The following SCRN3 variants were observed in gnomAD, a reference collection of about 807,000 sequenced individuals.
SCRN3 encodes secernin-3.
In SCRN3, 39 loss-of-function variants were observed where a neutral mutation model predicts 43.1. The observed-to-expected ratio is 0.91, with a 90% CI of 0.70 to 1.18. SCRN3 has a LOEUF of 1.18. SCRN3 is among the 50% of genes most tolerant of loss of function. SCRN3 has a pLI of 0.00. For missense variants in SCRN3, 484 were observed against 498.0 expected (o/e 0.97, Z 0.27); for synonymous variants, 147 against 163.1 (o/e 0.90, Z 0.75).
Position 174,414,142 on chromosome 2 carries a change from A to G in SCRN3, c.755-8743A>G, listed in dbSNP as rs142501754. On this transcript the variant is annotated intron_variant, in intron 5 of 7. Coordinates refer to ENST00000272732, the MANE Select transcript of SCRN3 (RefSeq NM_024583.5). ...AGTTGTTTTTCTGTATTTTGTCCCA[A>G]GTTGATAGTTATCTGCGGGAGGATT... Among the ~76,000 whole-genome samples the G allele has an allele frequency of 8.5e-5, 13 of 152,282 alleles. No homozygotes were observed. In the East Asian group the frequency reaches 1.3e-3, roughly 16 times the overall value.
At chr2:174,416,254 G>A (rs1686101718) in intron 5 of SCRN3, among the ~76,000 whole-genome samples, 1 of 152,146 alleles carries the variant, frequency 6.6e-6, no homozygotes, top group Non-Finnish European at 1.5e-5. Context: ...AGAAATAGCA[G>A]TGGTGGCATG....
At chr2:174,423,356 A>C (rs958847859) in intron 6 of SCRN3, among the ~76,000 whole-genome samples, 3 of 152,254 alleles carry the variant, frequency 2.0e-5, no homozygotes, top group Non-Finnish European at 4.4e-5. Flanking sequence ...GATATTAGAT[A>C]ATTCATAACA....
At chr2:174,421,961 A>G (rs568950483) in intron 5 of SCRN3, among the ~76,000 whole-genome samples, 17 of 152,304 alleles carry the variant, frequency 1.1e-4, no homozygotes, top group African/African-American at 4.1e-4. Context: ...TTTTAAGTGT[A>G]TAAATAATAA....
intron 5 of SCRN3, among the ~76,000 whole-genome samples, chr2:174,411,379 T>C (rs1336638628): frequency 2.6e-5 from 4 of 152,328 alleles, no homozygotes; most frequent in Non-Finnish European, 4.4e-5. Flanking sequence ...ATTTGTTACA[T>C]GGGGGTTCAG....
intron 5 of SCRN3, 119 bp downstream of exon 5, chr2:174,404,434 A>C: frequency 1.5e-6 from 1 of 655,072 alleles, no homozygotes. Flanking sequence ...TTCTATTAAA[A>C]TGAAAAATAT....
chr2:174,422,833 A>G, intron 5 of SCRN3, 52 bp from the exon 6 acceptor site: 1 of 1,153,220 alleles, frequency 8.7e-7, no homozygotes, highest in South Asian at 1.5e-5. Flanking sequence ...CATATTTGCA[A>G]GGCATCCGTA....
intron 5 of SCRN3, among the ~76,000 whole-genome samples, chr2:174,416,989 A>G (rs899299183): frequency 6.6e-6 from 1 of 152,224 alleles, no homozygotes; most frequent in Non-Finnish European, 1.5e-5. Context: ...CCAAAAGAAC[A>G]TGTTATAATT....
rs1056323873 is a variant in SCRN3 at position 174,401,000 on chromosome 2, G to A, written c.352G>A (p.Glu118Lys). 9.9e-6 allele frequency: 16 copies of A among 1,609,832 alleles called. No homozygotes were observed. The highest frequency in any genetic ancestry group is 1.1e-5 in the Non-Finnish European group (13 of 1,177,626). ...LGMDLVRLGL[E>K]RADTAEKALN... Reference sequence around the variant, plus strand: ...ATATTTTTGTTTTAGACTTGGCCTTGAAAGAGCTGATACAGCTGAAAAAGC... The same window carrying A: ...ATATTTTTGTTTTAGACTTGGCCTTAAAAGAGCTGATACAGCTGAAAAAGC... Residue 118 changes from glutamate to lysine, a missense_variant, in exon 4 of 8, where the codon GAA becomes AAA. Glu to Lys is a moderately conservative substitution (Grantham distance 56, BLOSUM62 1). Coordinates refer to ENST00000272732, the MANE Select transcript of SCRN3 (RefSeq NM_024583.5).
At position 174,419,543 on chromosome 2, in the gene SCRN3, C is replaced by A. The variant is rs115318008; in HGVS notation, c.755-3342C>A. Among the ~76,000 whole-genome samples, 1,478 of 152,086 alleles carry A rather than the reference C, an allele frequency of 9.7e-3. 32 individuals carry two copies. Among genetic ancestry groups the A allele is most frequent in the African/African-American group, 0.034 (1,403 of 41,464 alleles). The stretch of plus-strand genomic sequence containing the variant: ...TACAGGCATGCATTACCACACCTGG[C>A]TAAATTTTTTTTTTTGGTAATAGAC... On this transcript the variant is annotated intron_variant, in intron 5 of 7. Transcript: ENST00000272732.
rs1686570223 is a variant in SCRN3, at chr2:174,428,666, A to G, written c.*771A>G. ...TTACTTCTGTTCACTCAGTGAAAAC[A>G]GAAACAAGAATGAGGTAGTGGCAAT... On this transcript the variant is annotated 3_prime_UTR_variant, in exon 8 of 8. Coordinates refer to ENST00000272732, the MANE Select transcript of SCRN3 (RefSeq NM_024583.5). 1 of 152,246 alleles carries G rather than the reference A, an allele frequency of 6.6e-6. No homozygotes were observed. Among genetic ancestry groups the G allele is most frequent in the African/African-American group, 2.4e-5 (1 of 41,474 alleles). 9.4% of individuals were successfully genotyped at this position (152,246 alleles called of 1,614,324 possible). A position where few individuals can be genotyped will look rare whatever the true frequency, so the allele number is the denominator to read the frequency against.
intron 2 of SCRN3, 82 bp downstream of exon 2, chr2:174,398,524 A>T: frequency 8.2e-7 from 1 of 1,222,044 alleles, no homozygotes; most frequent in Non-Finnish European, 1.1e-6. Context: ...ATTTGGAAGA[A>T]ACTGTAGAAG....
Position 174,400,116 on chromosome 2 carries a change from T to G in SCRN3, c.341+13T>G, listed in dbSNP as rs766156502. The G allele has an allele frequency of 2.7e-6, 4 of 1,506,904 alleles. No individual in the cohort carries two copies. The East Asian group carries it at 7.6e-5, about 29-fold the overall frequency. 93.3% of individuals were successfully genotyped at this position (1,506,904 alleles called of 1,614,324 possible). On this transcript the variant is annotated intron_variant, in intron 3 of 7. Transcript: ENST00000272732. ...TGGACCTTGTCAGGTTATTTTTTGT[T>G]ACATTTTATACTACAGACCTTGTCT...
chr2:174,407,748 G>T (rs1204384587), intron 5 of SCRN3, among the ~76,000 whole-genome samples: 1 of 116,716 alleles, frequency 8.6e-6, no homozygotes, highest in Non-Finnish European at 1.7e-5. Context: ...AGGTTGTTCA[G>T]TTTCCATGTA....
chr2:174,411,257 C>A (rs1685906773), intron 5 of SCRN3, among the ~76,000 whole-genome samples: 1 of 152,180 alleles, frequency 6.6e-6, no homozygotes, highest in Non-Finnish European at 1.5e-5. Flanking sequence ...ACCTGTATTT[C>A]TATACCCACT....
At chr2:174,408,381 T>C (rs1685771557) in intron 5 of SCRN3, among the ~76,000 whole-genome samples, 2 of 139,804 alleles carry the variant, frequency 1.4e-5, no homozygotes, top group Non-Finnish European at 3.2e-5. Context: ...GTTTCCTGAA[T>C]ACAGCACACT....
chr2:174,418,840 CCTT>C (rs2105613428), intron 5 of SCRN3, among the ~76,000 whole-genome samples: 1 of 152,138 alleles, frequency 6.6e-6, no homozygotes, highest in South Asian at 2.1e-4. Flanking sequence ...TTTAGGCGCA[CCTT>C]CTTTACTGTG....
chr2:174,408,555 G>T (rs998010326), intron 5 of SCRN3, among the ~76,000 whole-genome samples: 3 of 148,938 alleles, frequency 2.0e-5, no homozygotes, highest in African/African-American at 7.5e-5. Context: ...TCCTAGTCTC[G>T]GTGGTCTTTA....
At chr2:174,402,212 C>T (rs1485337274) in intron 4 of SCRN3, among the ~76,000 whole-genome samples, 2 of 152,078 alleles carry the variant, frequency 1.3e-5, no homozygotes, top group East Asian at 1.9e-4. Flanking sequence ...AAATGTACTA[C>T]GTGCAAGAGA....
intron 5 of SCRN3, among the ~76,000 whole-genome samples, chr2:174,417,547 C>T (rs1169668575): frequency 1.3e-5 from 2 of 152,090 alleles, no homozygotes; most frequent in African/African-American, 2.4e-5. Flanking sequence ...GCACTCACCA[C>T]CAAGCCCAGC....
Sources: gnomAD v4.1 joint callset for allele counts (sites outside exome capture counted in the v4.1 genomes callset) on GRCh38, gnomAD v4.1.1 for gene constraint, MANE v1.5 for transcripts, NCBI Gene and HGNC (gene_info 2026-07-23, HGNC 2026-07-21) for gene names.